CDH2: variants seen among roughly 807,000 people sequenced by gnomAD.
The protein encoded by CDH2 is cadherin 2, also known as cadherin-2.
In CDH2, 17 loss-of-function variants were observed where a neutral mutation model predicts 92.0. The observed-to-expected ratio is 0.18, with a 90% CI of 0.13 to 0.28. The LOEUF (loss-of-function observed/expected upper bound fraction) is 0.28, where lower values mean the gene tolerates loss of function less well. CDH2 is among the 10% of genes least tolerant of loss of function. The pLI is 1.00. For missense variants in CDH2, 862 were observed against 1,133.1 expected (o/e 0.76, Z 3.44); for synonymous variants, 419 against 415.9 (o/e 1.01, Z -0.09).
chr18:28,137,734 T>C (rs2015887475), intron 2 of CDH2, among the ~76,000 whole-genome samples: 1 of 152,140 alleles, frequency 6.6e-6, no homozygotes. Context: ...CAACTATAGA[T>C]GTTCTTTAAT....
At chr18:28,043,466 ATATATATATAT>A (rs1567976402) in intron 2 of CDH2, among the ~76,000 whole-genome samples, 18 of 82,986 alleles carry the variant, frequency 2.2e-4, no homozygotes, top group South Asian at 9.7e-4. Flanking sequence ...AAATAAATAT[ATATATATATAT>A]ATATATATAT....
At chr18:28,002,132 C>T (rs2012787492) in intron 7 of CDH2, among the ~76,000 whole-genome samples, 1 of 152,132 alleles carries the variant, frequency 6.6e-6, no homozygotes, top group African/African-American at 2.4e-5. Flanking sequence ...GAAAAAGTTT[C>T]ACCAGGAGTG....
intron 2 of CDH2, among the ~76,000 whole-genome samples, chr18:28,043,495 AATATAT>A (rs369458635): frequency 0.26 from 22,722 of 87,590 alleles, 2,867 homozygotes; most frequent in East Asian, 0.41. Flanking sequence ...TATATATATA[AATATAT>A]ATATATATAT....
At chr18:27,967,561 C>T (rs1035801176) in intron 14 of CDH2, among the ~76,000 whole-genome samples, 2 of 152,190 alleles carry the variant, frequency 1.3e-5, no homozygotes, top group Admixed American at 1.3e-4. Context: ...CGAAAATTCT[C>T]TTATGATTGC....
At chr18:28,023,987 G>C (rs1477401511) in intron 2 of CDH2, among the ~76,000 whole-genome samples, 2 of 152,104 alleles carry the variant, frequency 1.3e-5, no homozygotes, top group Non-Finnish European at 2.9e-5. Context: ...CTTTGGCTTA[G>C]TATTATATGT....
chr18:27,948,106 C>T (rs922172274), downstream of CDH2, among the ~76,000 whole-genome samples: 10 of 133,310 alleles, frequency 7.5e-5, no homozygotes, highest in East Asian at 2.4e-4. Context: ...TTTTAACAAG[C>T]GGTGTTTGGA....
At chr18:27,971,506 G>A (rs1169989260) in intron 14 of CDH2, among the ~76,000 whole-genome samples, 1 of 151,996 alleles carries the variant, frequency 6.6e-6, no homozygotes, top group East Asian at 1.9e-4. Context: ...GAATGATGAA[G>A]GAAAAGTCAT....
At chr18:28,119,245 A>G (rs1033978819) in intron 2 of CDH2, among the ~76,000 whole-genome samples, 2 of 152,156 alleles carry the variant, frequency 1.3e-5, no homozygotes, top group African/African-American at 4.8e-5. Context: ...GCATGTAAAC[A>G]TAACTGTAAA....
At chr18:27,945,871 C>T (rs937064560) in intron 6 of CDH2, among the ~76,000 whole-genome samples, 1 of 152,130 alleles carries the variant, frequency 6.6e-6, no homozygotes, top group African/African-American at 2.4e-5. Context: ...AGTTTTAGGA[C>T]ATACATGTTG....
intron 2 of CDH2, among the ~76,000 whole-genome samples, chr18:28,081,658 G>A (rs1469112710): frequency 6.6e-6 from 1 of 152,116 alleles, no homozygotes; most frequent in Non-Finnish European, 1.5e-5. Flanking sequence ...AATGCTTGAT[G>A]GATAAAATAC....
rs1301759543 is a variant in CDH2, at chr18:27,951,533, G to A, written c.*620C>T. ...AGACCAAAATGTGTCTAACATTCTAGTTTATGAAAAAATTCAATTTTGCTA... is the reference window on the plus strand; with the variant it reads ...AGACCAAAATGTGTCTAACATTCTAATTTATGAAAAAATTCAATTTTGCTA... On this transcript the variant is annotated 3_prime_UTR_variant, in exon 16 of 16. Coordinates refer to ENST00000269141, the MANE Select transcript of CDH2 (RefSeq NM_001792.5). 5 of 151,192 alleles carry A rather than the reference G, an allele frequency of 3.3e-5. No individual in the cohort carries two copies. Among genetic ancestry groups the A allele is most frequent in the African/African-American group, 1.2e-4 (5 of 40,958 alleles). 9.4% of individuals were successfully genotyped at this position (151,192 alleles called of 1,614,324 possible). A position where few individuals can be genotyped will look rare whatever the true frequency, so the allele number is the denominator to read the frequency against.
At chr18:27,941,007 A>G (rs1020693441) in intron 6 of CDH2, among the ~76,000 whole-genome samples, 1 of 149,004 alleles carries the variant, frequency 6.7e-6, no homozygotes, top group African/African-American at 2.5e-5. Context: ...ATACATACAT[A>G]GCTGAGGTTT....
Position 28,177,054 on chromosome 18 carries a change from A to AGGC in CDH2, c.-33_-32insGCC. The AGGC allele has an allele frequency of 1.4e-6, 2 of 1,434,688 alleles. No individual in the cohort carries two copies. The highest frequency in any genetic ancestry group is 9.2e-7 in the Non-Finnish European group (1 of 1,083,868). 88.9% of individuals were successfully genotyped at this position (1,434,688 alleles called of 1,614,324 possible). On this transcript the variant is annotated 5_prime_UTR_variant, in exon 1 of 16. Transcript: ENST00000269141. ...GGAGAGGGGCCGAGCGAAGAGCCGG[A>AGGC]GGAGGCGGCGGCGGCGGCGGCGGCG...
intron 2 of CDH2, among the ~76,000 whole-genome samples, chr18:28,142,958 T>A (rs1169628888): frequency 6.6e-6 from 1 of 152,058 alleles, no homozygotes; most frequent in Non-Finnish European, 1.5e-5. Context: ...CCTACTAAAC[T>A]AATAAAAAGT....
intron 1 of CDH2, among the ~76,000 whole-genome samples, chr18:28,170,580 C>T (rs2016450058): frequency 1.3e-5 from 2 of 152,046 alleles, no homozygotes; most frequent in African/African-American, 4.8e-5. Flanking sequence ...CTCCTAACCT[C>T]GTGATCCACC....
intron 2 of CDH2, among the ~76,000 whole-genome samples, chr18:28,064,318 A>G (rs1445346697): frequency 1.3e-5 from 2 of 152,146 alleles, no homozygotes; most frequent in Admixed American, 6.5e-5. Flanking sequence ...TCTGTCACCC[A>G]GGCTAGATGC....
In CDH2 at chr18:27,940,747, A is replaced by T. The variant is rs118171257; in HGVS notation, c.1152-7623T>A. On this transcript the variant is annotated intron_variant, in intron 6 of 6. Coordinates refer to the CDH2 transcript ENST00000675173. ...AAGAATCAATTTAACATGCAAAAACAGTAAAAGACAGTATCCTTCAAAGGA... is the reference window on the plus strand; with the variant it reads ...AAGAATCAATTTAACATGCAAAAACTGTAAAAGACAGTATCCTTCAAAGGA... Among the ~76,000 whole-genome samples, 14 of 152,360 alleles carry T rather than the reference A, an allele frequency of 9.2e-5. No homozygotes were observed. In the East Asian group the frequency reaches 1.9e-3, roughly 21 times the overall value.
intron 2 of CDH2, among the ~76,000 whole-genome samples, chr18:28,107,587 A>G (rs545988751): frequency 7.9e-5 from 12 of 152,182 alleles, no homozygotes; most frequent in Non-Finnish European, 1.6e-4. Context: ...TACATTTACA[A>G]GTAGGACTTA....
At chr18:28,011,725 T>A (rs2144033736) in intron 4 of CDH2, 121 bp downstream of exon 4, 1 of 912,694 alleles carries the variant, frequency 1.1e-6, no homozygotes, top group South Asian at 1.7e-5. Flanking sequence ...TCTATCTTTA[T>A]AGAAAAACAC....
Sources: gnomAD v4.1 joint callset for allele counts (sites outside exome capture counted in the v4.1 genomes callset) on GRCh38, gnomAD v4.1.1 for gene constraint, MANE v1.5 for transcripts, NCBI Gene and HGNC (gene_info 2026-07-23, HGNC 2026-07-21) for gene names.